Variants in STK32B observed in about 807,000 individuals in gnomAD.
The protein encoded by STK32B is serine/threonine kinase 32B.
Under a neutral mutation model 52.6 loss-of-function variants are expected in STK32B, and 43 were observed. That is an observed-to-expected ratio of 0.82 (90% confidence interval 0.64 to 1.05). STK32B has a LOEUF of 1.05. Among genes scored for constraint, STK32B ranks in the 50% least tolerant of loss-of-function variants. STK32B has a pLI of 0.00. For missense variants in STK32B, 621 were observed against 534.6 expected, an observed-to-expected ratio of 1.16 and a Z score of -1.59; for synonymous variants, 238 against 204.3, an observed-to-expected ratio of 1.17 and a Z score of -1.41.
At chr4:5,021,288 T>C in the STK32B span, among the ~76,000 whole-genome samples, 1 of 152,250 alleles carries the variant, frequency 6.6e-6, no homozygotes, top group Non-Finnish European at 1.5e-5. Flanking sequence ...CTGTAAGCTG[T>C]GCCTTCCTGT....
intron 1 of STK32B, among the ~76,000 whole-genome samples, chr4:5,074,188 A>ATATGTGTGTGTGTGTGTG (rs375845988): frequency 6.7e-6 from 1 of 148,800 alleles, no homozygotes; most frequent in African/African-American, 2.5e-5. Flanking sequence ...AAATATATAT[A>ATATGTGTGTGTGTGTGTG]TGTGTGTGTG....
intron 3 of STK32B, among the ~76,000 whole-genome samples, chr4:5,274,770 CG>C (rs1226854614): frequency 2.6e-5 from 4 of 152,110 alleles, no homozygotes; most frequent in Admixed American, 2.6e-4. Context: ...GTGTTTGTTA[CG>C]GCTCGAGCTG....
chr4:5,035,215 C>T, the STK32B span, among the ~76,000 whole-genome samples: 1 of 152,226 alleles, frequency 6.6e-6, no homozygotes, highest in East Asian at 1.9e-4. Context: ...ATCCCCAGCA[C>T]CTGGCAGTGC....
chr4:5,129,470 T>G (rs1424905379), intron 1 of STK32B, among the ~76,000 whole-genome samples: 1 of 152,260 alleles, frequency 6.6e-6, no homozygotes, highest in African/African-American at 2.4e-5. Context: ...AATGACTATT[T>G]GTTGAATGAA....
At chr4:5,051,379 GCAGGGATTCAGATTCTTCCGGGCCGAT>G (rs1741767800), upstream of STK32B, 1 of 163,176 alleles carries the variant, frequency 6.1e-6, no homozygotes, top group Admixed American at 6.5e-5. Flanking sequence ...GGAGGGCCGA[GCAGGGATTCAGATTCTTCCGGGCCGAT>G]CCCTTTCTCA....
chr4:5,434,790 A>G (rs1367533480), intron 6 of STK32B, among the ~76,000 whole-genome samples: 2 of 152,214 alleles, frequency 1.3e-5, no homozygotes, highest in Non-Finnish European at 2.9e-5. Flanking sequence ...TTTCCAAGAC[A>G]TGAATAGCAT....
chr4:5,192,609 A>G (rs1306853021), intron 3 of STK32B, among the ~76,000 whole-genome samples: 1 of 152,178 alleles, frequency 6.6e-6, no homozygotes, highest in African/African-American at 2.4e-5. Flanking sequence ...GCCAATAAAC[A>G]TTGTATATAT....
intron 3 of STK32B, chr4:5,204,166 C>T (rs959056408): frequency 2.6e-5 from 4 of 152,212 alleles, no homozygotes; most frequent in Admixed American, 2.6e-4. Flanking sequence ...AAGAAAGCTG[C>T]ACTTTCGAAA....
intron 1 of STK32B, among the ~76,000 whole-genome samples, chr4:5,052,555 T>TC: frequency 1.3e-5 from 2 of 152,224 alleles, no homozygotes; most frequent in Admixed American, 1.3e-4. Flanking sequence ...TCGATAGAGC[T>TC]CCCTATTTGG....
intron 6 of STK32B, among the ~76,000 whole-genome samples, chr4:5,441,108 T>TG (rs1461802557): frequency 6.7e-6 from 1 of 149,726 alleles, no homozygotes; most frequent in Non-Finnish European, 1.5e-5. Context: ...ATCAGGATGA[T>TG]GCTGGCCTCA....
At chr4:5,204,881 AT>A (rs915828433) in intron 3 of STK32B, among the ~76,000 whole-genome samples, 11 of 152,126 alleles carry the variant, frequency 7.2e-5, no homozygotes, top group Non-Finnish European at 1.5e-4. Context: ...TTGATGGCTA[AT>A]TTTTTCTATC....
intron 1 of STK32B, among the ~76,000 whole-genome samples, chr4:5,065,926 G>T (rs1051709379): frequency 6.6e-6 from 1 of 152,040 alleles, no homozygotes; most frequent in Admixed American, 6.6e-5. Flanking sequence ...GTTTCACTAT[G>T]TTGGCCAGGC....
At chr4:5,026,653 A>G in the STK32B span, among the ~76,000 whole-genome samples, 2 of 152,184 alleles carry the variant, frequency 1.3e-5, no homozygotes, top group African/African-American at 4.8e-5. Flanking sequence ...GAGCCAAACC[A>G]TATCACCAGT....
intron 3 of STK32B, among the ~76,000 whole-genome samples, chr4:5,189,535 A>G (rs888625842): frequency 5.3e-5 from 8 of 152,208 alleles, no homozygotes; most frequent in African/African-American, 1.4e-4. Context: ...TACATGCTAC[A>G]GTTTATTTAC....
intron 7 of STK32B, among the ~76,000 whole-genome samples, chr4:5,451,449 A>C (rs1715985599): frequency 6.6e-6 from 1 of 152,206 alleles, no homozygotes; most frequent in Non-Finnish European, 1.5e-5. Flanking sequence ...GGTACTATCC[A>C]TGGTACCTAA....
chr4:5,024,918 C>A, the STK32B span, among the ~76,000 whole-genome samples: 1 of 152,200 alleles, frequency 6.6e-6, no homozygotes, highest in Non-Finnish European at 1.5e-5. Context: ...AGCTGCACCC[C>A]CAACCCCAGG....
intron 3 of STK32B, among the ~76,000 whole-genome samples, chr4:5,217,105 C>T (rs758986639): frequency 2.4e-4 from 36 of 152,198 alleles, no homozygotes; most frequent in African/African-American, 7.7e-4. Context: ...TGCCAATGCT[C>T]AGCTTCCTTG....
At chr4:5,376,374 A>G (rs114714316) in intron 4 of STK32B, among the ~76,000 whole-genome samples, 4,862 of 152,002 alleles carry the variant, frequency 0.032, 261 homozygotes, top group African/African-American at 0.11. Flanking sequence ...AAAAATATCT[A>G]CCTGCCAGGA....
intron 7 of STK32B, among the ~76,000 whole-genome samples, chr4:5,449,689 G>T (rs183977980): frequency 5.5e-4 from 84 of 152,216 alleles, no homozygotes; most frequent in Middle Eastern, 3.4e-3. Flanking sequence ...GCTGCTCCCC[G>T]TCACTCACAT....
Sources: gnomAD v4.1 joint callset for allele counts (sites outside exome capture counted in the v4.1 genomes callset) on GRCh38, gnomAD v4.1.1 for gene constraint, MANE v1.5 for transcripts, NCBI Gene and HGNC (gene_info 2026-07-23, HGNC 2026-07-21) for gene names.